Variants in ACAD8 observed in about 807,000 individuals in gnomAD.
The protein encoded by ACAD8 is isobutyryl-CoA dehydrogenase, mitochondrial.
ACAD8 carries 47 observed loss-of-function variants against 53.1 expected under a neutral mutation model. The observed-to-expected ratio is 0.89, with a 90% CI of 0.70 to 1.13. ACAD8 has a LOEUF of 1.13. Ranked by LOEUF, ACAD8 falls within the 50% of genes most tolerant of loss-of-function variation. ACAD8 has a pLI of 0.00. For missense variants in ACAD8, 494 were observed against 535.0 expected, an observed-to-expected ratio of 0.92 and a Z score of 0.76; for synonymous variants, 198 against 201.3, an observed-to-expected ratio of 0.98 and a Z score of 0.14.
At chr11:134,255,538 C>T (rs1054430450) in intron 1 of ACAD8, among the ~76,000 whole-genome samples, 3 of 152,164 alleles carry the variant, frequency 2.0e-5, no homozygotes, top group Admixed American at 2.0e-4. Context: ...GTAACAGCAA[C>T]CCTTGTACAA....
At chr11:134,253,850 T>C in intron 1 of ACAD8, 141 bp downstream of exon 1, 1 of 915,842 alleles carries the variant, frequency 1.1e-6, no homozygotes, top group Non-Finnish European at 1.7e-6. Flanking sequence ...CCGGCCTGGC[T>C]CCCTACTCCG....
intron 1 of ACAD8, among the ~76,000 whole-genome samples, chr11:134,255,088 A>C (rs1939422631): frequency 6.6e-6 from 1 of 152,202 alleles, no homozygotes; most frequent in Non-Finnish European, 1.5e-5. Flanking sequence ...GTTAACATTT[A>C]ATGAGCTCTT....
Position 134,263,052 on chromosome 11 carries a change from C to G in ACAD8, c.1195+430C>G, listed in dbSNP as rs1445319450. The stretch of plus-strand genomic sequence containing the variant: ...TATCAGCCAGATGGCCTAAAAGATA[C>G]CTGTCTCAATATTACTAGTGTATTT... On this transcript the variant is annotated intron_variant, in intron 10 of 10. Transcript: ENST00000281182. 45 of 1,177,428 alleles carry G rather than the reference C, an allele frequency of 3.8e-5. 1 individual carries two copies. In the East Asian group the frequency reaches 2.4e-3, roughly 62 times the overall value. The allele number at this position is 1,177,428 out of a possible 1,614,324, so 72.9% of individuals were successfully genotyped here.
In ACAD8 at chr11:134,260,238, C is replaced by G. The variant is rs111478294; in HGVS notation, c.705+493C>G. 6.3e-4 allele frequency: 673 copies of G among 1,074,354 alleles called. 3 individuals are homozygous for G. In the African/African-American group the frequency reaches 0.01, roughly 16 times the overall value. 66.6% of individuals were successfully genotyped at this position (1,074,354 alleles called of 1,614,324 possible). On this transcript the variant is annotated intron_variant, in intron 6 of 10. Coordinates refer to ENST00000281182, the MANE Select transcript of ACAD8 (RefSeq NM_014384.3). ...AAGTAATTTGAAAAGTAAGATACTT[C>G]TAGGATTAAGAGCCGCCATGGCCAG...
chr11:134,262,012 A>G, intron 9 of ACAD8, 122 bp downstream of exon 9: 2 of 1,227,164 alleles, frequency 1.6e-6, no homozygotes, highest in Non-Finnish European at 2.3e-6. Context: ...GATCACCTTA[A>G]GCTTAAGGAT....
chr11:134,255,188 G>A (rs528649214), intron 1 of ACAD8, among the ~76,000 whole-genome samples: 33 of 152,316 alleles, frequency 2.2e-4, no homozygotes, highest in African/African-American at 7.9e-4. Context: ...CCAGGCTGGA[G>A]TACAGTGGTG....
At chr11:134,255,778 C>T (rs1347369960) in intron 1 of ACAD8, among the ~76,000 whole-genome samples, 1 of 152,222 alleles carries the variant, frequency 6.6e-6, no homozygotes, top group East Asian at 1.9e-4. Flanking sequence ...TACTGATGCC[C>T]AGATTTGCCC....
Position 134,261,862 on chromosome 11 carries a change from A to G in ACAD8, c.1064A>G (p.Lys355Arg), listed in dbSNP as rs1297308994. 1.2e-6 allele frequency: 2 copies of G among 1,614,076 alleles called. No individual in the cohort carries two copies. Among genetic ancestry groups the G allele is most frequent in the African/African-American group, 2.7e-5 (2 of 74,930 alleles). ...GCAGTGGCCTTGTGCTCCATGGCCA[A>G]GCTCTTTGCTACAGATGAATGCTTT... is the stretch of plus-strand genomic sequence containing the variant. ...KDAVALCSMA[K>R]LFATDECFAI... The change falls in exon 9 of 11, where the codon AAG becomes AGG. Residue 355 changes from lysine to arginine, a missense_variant. By Grantham distance (26) the Lys-to-Arg change is conservative. Transcript: ENST00000281182. This position sits in a 1 kb window ranked among gnomAD's most constrained non-coding sequence, Gnocchi z 4.2.
rs1939992163 is a variant in ACAD8, at chr11:134,263,034, C to T, written c.1195+412C>T. ...CAGTAGCTCTATATTGATTATCAGCCAGATGGCCTAAAAGATACCTGTCTC... is the reference window on the plus strand; with the variant it reads ...CAGTAGCTCTATATTGATTATCAGCTAGATGGCCTAAAAGATACCTGTCTC... On this transcript the variant is annotated intron_variant, in intron 10 of 10. Coordinates refer to ENST00000281182, the MANE Select transcript of ACAD8 (RefSeq NM_014384.3). 3 of 1,182,336 alleles carry T rather than the reference C, an allele frequency of 2.5e-6. No individual in the cohort carries two copies. The South Asian group carries it at 4.8e-5, about 19-fold the overall frequency. 73.2% of individuals were successfully genotyped at this position (1,182,336 alleles called of 1,614,324 possible). A position where few individuals can be genotyped will look rare whatever the true frequency, so the allele number is the denominator to read the frequency against.
At chr11:134,263,224 A>T (rs1339478417) in intron 10 of ACAD8, 2 of 999,932 alleles carry the variant, frequency 2.0e-6, no homozygotes, top group Non-Finnish European at 2.4e-6. Context: ...AAATGACACG[A>T]CTCTTGGAAA....
chr11:134,254,197 A>T (rs1444825412), intron 1 of ACAD8, among the ~76,000 whole-genome samples: 1 of 152,208 alleles, frequency 6.6e-6, no homozygotes, highest in Non-Finnish European at 1.5e-5. Flanking sequence ...GTGAGAATAT[A>T]AGAAGCTGGC....
rs1296744542 is a variant in ACAD8 at position 134,253,672 on chromosome 11, C to T, written c.72C>T (p.Val24=). 1 of 1,599,864 alleles carries T rather than the reference C, an allele frequency of 6.3e-7. No individual in the cohort carries two copies. The highest frequency in any genetic ancestry group is 8.5e-7 in the Non-Finnish European group (1 of 1,174,424). ...TGCCCGGCGGTCTCCGGGTCCTCGT[C>T]CAGACCGGCCACCGGAGCTTGACCT... ...GCLPGGLRVL[V]QTGHRSLTSC... Residue 24 remains valine (V), a synonymous_variant, in exon 1 of 11, where the codon GTC becomes GTT. Transcript: ENST00000281182.
chr11:134,262,780 G>A (rs761990288), intron 10 of ACAD8, 158 bp downstream of exon 10: 1 of 1,498,600 alleles, frequency 6.7e-7, no homozygotes. Flanking sequence ...AGCTGTTCTG[G>A]CAGGGGCCTG....
Position 134,261,795 on chromosome 11 carries a change from G to A in ACAD8, c.997G>A (p.Val333Ile). Residue 333 changes from valine to isoleucine, a missense_variant, in exon 9 of 11, where the codon GTC becomes ATC. Val to Ile is a conservative substitution (Grantham distance 29). Coordinates refer to ENST00000281182, the MANE Select transcript of ACAD8 (RefSeq NM_014384.3). This position sits in a 1 kb window ranked among gnomAD's most constrained non-coding sequence, Gnocchi z 4.2. ...ATRLVAARLM[V>I]RNAAVALQEE... is the part of the protein sequence containing the mutation. ...AAGGCTGGTGGCCGCGCGGCTGATG[G>A]TCCGCAATGCAGCAGTGGCTCTGCA... 3.7e-6 allele frequency: 6 copies of A among 1,614,194 alleles called. No homozygotes were observed. Among genetic ancestry groups the A allele is most frequent in the Non-Finnish European group, 5.1e-6 (6 of 1,180,038 alleles).
chr11:134,257,657 G>A (rs1222759647), intron 3 of ACAD8: 1 of 294,830 alleles, frequency 3.4e-6, no homozygotes, highest in Non-Finnish European at 6.6e-6. Context: ...GGGCGACAGA[G>A]CGAGACTCCA....
intron 6 of ACAD8, 106 bp downstream of exon 6, chr11:134,259,851 A>G: frequency 6.4e-7 from 1 of 1,571,574 alleles, no homozygotes; most frequent in Non-Finnish European, 8.7e-7. Context: ...TTGCTAACCT[A>G]CCTTTGAAGC....
chr11:134,261,892 T>C lies in ACAD8; in HGVS notation c.1092+2T>C. 1 of 1,613,854 alleles carries C rather than the reference T, an allele frequency of 6.2e-7. No homozygotes were observed. Among genetic ancestry groups the C allele is most frequent in the South Asian group, 1.1e-5 (1 of 91,062 alleles). The stretch of plus-strand genomic sequence containing the variant: ...TTTGCTACAGATGAATGCTTTGCCG[T>C]AAGTGATTCCTCTGGCTCTCCTGGG... On this transcript the variant is annotated splice_donor_variant, in intron 9 of 10. Coordinates refer to ENST00000281182, the MANE Select transcript of ACAD8 (RefSeq NM_014384.3). LOFTEE classifies it high-confidence loss of function. This position sits in a 1 kb window ranked among gnomAD's most constrained non-coding sequence, Gnocchi z 4.2.
In ACAD8 at chr11:134,265,120, C is replaced by A; in HGVS notation, c.*160C>A. ...CTGTGTGTTGGCACCAGCATCGGGTCTTGGACTGGGGCAGAATCCCCAGTG... is the reference window on the plus strand; with the variant it reads ...CTGTGTGTTGGCACCAGCATCGGGTATTGGACTGGGGCAGAATCCCCAGTG... On this transcript the variant is annotated 3_prime_UTR_variant, in exon 11 of 11. Coordinates refer to ENST00000281182, the MANE Select transcript of ACAD8 (RefSeq NM_014384.3). 1.3e-6 allele frequency: 1 copy of A among 751,648 alleles called. No homozygotes were observed. 46.6% of individuals were successfully genotyped at this position (751,648 alleles called of 1,614,324 possible).
chr11:134,261,981 G>A lies in ACAD8; in HGVS notation c.1092+91G>A, dbSNP rs1480476462. On this transcript the variant is annotated intron_variant, in intron 9 of 10. Coordinates refer to ENST00000281182, the MANE Select transcript of ACAD8 (RefSeq NM_014384.3). This position sits in a 1 kb window ranked among gnomAD's most constrained non-coding sequence, Gnocchi z 4.2. ...AGACATGAGTCAGATTTGGAACCCA[G>A]CCCTCCTGGAATCCCACAAGGATCA... 6.8e-7 allele frequency: 1 copy of A among 1,466,804 alleles called. No individual in the cohort carries two copies. The highest frequency in any genetic ancestry group is 9.4e-7 in the Non-Finnish European group (1 of 1,066,826). 90.9% of individuals were successfully genotyped at this position (1,466,804 alleles called of 1,614,324 possible).
Sources: gnomAD v4.1 joint callset for allele counts (sites outside exome capture counted in the v4.1 genomes callset) on GRCh38, gnomAD v4.1.1 for gene constraint, Gnocchi (gnomAD v3.1) non-coding constraint, MANE v1.5 for transcripts, NCBI Gene and HGNC (gene_info 2026-07-23, HGNC 2026-07-21) for gene names.